C2orf80: variants seen among roughly 807,000 people sequenced by gnomAD.
C2orf80 encodes the protein uncharacterized protein C2orf80.
A neutral mutation model predicts 30.2 loss-of-function variants in C2orf80; 28 were observed. The observed-to-expected ratio is 0.93, with a 90% CI of 0.69 to 1.27. The LOEUF is 1.27. C2orf80 is among the 50% of genes most tolerant of loss of function. The pLI, the probability that C2orf80 is intolerant of heterozygous loss-of-function variation, is 0.00. For synonymous variants in C2orf80, 80 were observed against 76.4 expected, an observed-to-expected ratio of 1.05 and a Z score of -0.24; for missense variants, 220 against 231.0, an observed-to-expected ratio of 0.95 and a Z score of 0.31.
intron 8 of C2orf80, among the ~76,000 whole-genome samples, chr2:208,169,579 G>T (rs1296155879): frequency 6.6e-6 from 1 of 151,784 alleles, no homozygotes; most frequent in Non-Finnish European, 1.5e-5. Context: ...CGGGTGTGGT[G>T]GTGCATACCT....
intron 6 of C2orf80, among the ~76,000 whole-genome samples, chr2:208,180,355 G>A (rs569055335): frequency 2.6e-5 from 4 of 151,894 alleles, no homozygotes; most frequent in East Asian, 1.9e-4. Context: ...GGAGGCTGAC[G>A]CACGAGAATT....
chr2:208,165,802 A>G lies in C2orf80; in HGVS notation c.*5T>C, dbSNP rs769040969. The G allele has an allele frequency of 6.2e-7, 1 of 1,611,174 alleles. No individual in the cohort carries two copies. Among genetic ancestry groups the G allele is most frequent in the South Asian group, 1.1e-5 (1 of 90,430 alleles). On this transcript the variant is annotated 3_prime_UTR_variant, in exon 9 of 9. Transcript: ENST00000341287. Reference sequence around the variant, plus strand: ...TATGAAGTTCCATGGTACAATTCCAATTTTCTAAGTGACCTGCAGAATAAA... The same window carrying G: ...TATGAAGTTCCATGGTACAATTCCAGTTTTCTAAGTGACCTGCAGAATAAA...
intron 6 of C2orf80, among the ~76,000 whole-genome samples, chr2:208,176,960 C>G (rs997691431): frequency 5.3e-5 from 1 of 18,934 alleles, no homozygotes; most frequent in African/African-American, 1.3e-4. Context: ...TATCTGTATA[C>G]ATATGTATAC....
At chr2:208,165,937 T>G in intron 8 of C2orf80, 122 bp from the exon 9 acceptor site, 1 of 604,236 alleles carries the variant, frequency 1.7e-6, no homozygotes, top group South Asian at 2.5e-5. Context: ...CAAAGATAGA[T>G]TAGATTAATG....
At chr2:208,181,819 T>A (rs1348434513) in intron 4 of C2orf80, among the ~76,000 whole-genome samples, 1 of 151,904 alleles carries the variant, frequency 6.6e-6, no homozygotes, top group African/African-American at 2.4e-5. Context: ...AAAAAATATA[T>A]CCACCCTTCC....
intron 4 of C2orf80, among the ~76,000 whole-genome samples, chr2:208,182,288 G>A (rs1038688635): frequency 1.4e-4 from 21 of 152,338 alleles, no homozygotes; most frequent in African/African-American, 4.6e-4. Flanking sequence ...ATACATGTCT[G>A]CCTAAATGCT....
chr2:208,186,836 A>G (rs1057167452), intron 2 of C2orf80, 110 bp downstream of exon 2: 11 of 979,892 alleles, frequency 1.1e-5, no homozygotes, highest in Middle Eastern at 2.6e-4. Context: ...CCTACCATGC[A>G]GAAATAGATT....
intron 5 of C2orf80, 108 bp from the exon 6 acceptor site, chr2:208,180,924 T>C: frequency 1.1e-6 from 1 of 920,704 alleles, no homozygotes. Flanking sequence ...TGCTTGGGTA[T>C]CATAAGTATT....
In C2orf80 at chr2:208,165,544, A is replaced by G; in HGVS notation, c.*263T>C. ...AGCCAGCTTGCTCTAACACAGAAAT[A>G]CTATATACTTTCTGAATTCTCCAGC... On this transcript the variant is annotated 3_prime_UTR_variant, in exon 9 of 9. Coordinates refer to ENST00000341287, the MANE Select transcript of C2orf80 (RefSeq NM_001099334.3). The G allele has an allele frequency of 2.5e-6, 1 of 404,894 alleles. No individual in the cohort carries two copies. The highest frequency in any genetic ancestry group is 3.8e-5 in the South Asian group (1 of 26,510). The allele number at this position is 404,894 out of a possible 1,614,324, so 25.1% of individuals were successfully genotyped here.
At chr2:208,169,075 A>T (rs4589738) in intron 8 of C2orf80, among the ~76,000 whole-genome samples, 4 of 152,034 alleles carry the variant, frequency 2.6e-5, no homozygotes, top group African/African-American at 7.2e-5. Flanking sequence ...ATCAAGAATC[A>T]AAAAATCTTC....
intron 1 of C2orf80, 101 bp downstream of exon 1, chr2:208,189,852 A>C (rs763099116): frequency 8.9e-5 from 61 of 687,926 alleles, no homozygotes; most frequent in Non-Finnish European, 1.4e-4. Context: ...TGCACATTCC[A>C]TGCAGGTTCC....
chr2:208,183,203 A>ATTT (rs71036988), intron 3 of C2orf80, among the ~76,000 whole-genome samples, 156 bp from the exon 4 acceptor site: 20,482 of 145,480 alleles, frequency 0.14, 1,552 homozygotes, highest in South Asian at 0.22. Flanking sequence ...GCTCGGCCAG[A>ATTT]TTTTTTTTTT....
intron 8 of C2orf80, among the ~76,000 whole-genome samples, chr2:208,169,453 C>T (rs932616122): frequency 6.6e-6 from 1 of 151,992 alleles, no homozygotes; most frequent in South Asian, 2.1e-4. Context: ...TACCTTCGGC[C>T]GGGCACAGTG....
chr2:208,182,866 A>G (rs1392889100), intron 4 of C2orf80, 99 bp downstream of exon 4: 2 of 974,052 alleles, frequency 2.1e-6, no homozygotes, highest in African/African-American at 1.6e-5. Context: ...TTTTCAAATC[A>G]AAGTGCCTCA....
At chr2:208,171,291 G>A (rs1696090559) in intron 7 of C2orf80, among the ~76,000 whole-genome samples, 1 of 151,966 alleles carries the variant, frequency 6.6e-6, no homozygotes, top group African/African-American at 2.4e-5. Context: ...GACTAGAGGA[G>A]GGTGCCACCA....
At chr2:208,187,859 C>G (rs980052267) in intron 1 of C2orf80, among the ~76,000 whole-genome samples, 1 of 151,584 alleles carries the variant, frequency 6.6e-6, no homozygotes, top group Non-Finnish European at 1.5e-5. Context: ...CTGAGTGAGC[C>G]TTTTCCAATC....
chr2:208,186,945 C>T lies in C2orf80; in HGVS notation c.41+1G>A, dbSNP rs202036129. ...TGAAAGTTATTCTCAGTCATACTTA[C>T]AAGAGCTTTTTCATTTCCTTCTTTA... On this transcript the variant is annotated splice_donor_variant, in intron 2 of 8. Transcript: ENST00000341287. LOFTEE classifies it high-confidence loss of function. 5.3e-5 allele frequency: 85 copies of T among 1,613,362 alleles called. No individual in the cohort carries two copies. The highest frequency in any genetic ancestry group is 2.0e-5 in the Non-Finnish European group (23 of 1,179,374).
At chr2:208,185,374 G>C (rs1454283720) in intron 2 of C2orf80, among the ~76,000 whole-genome samples, 1 of 152,190 alleles carries the variant, frequency 6.6e-6, no homozygotes, top group Non-Finnish European at 1.5e-5. Context: ...ATAATCATTT[G>C]CTTCCCGTGT....
chr2:208,188,526 A>C (rs912165029), intron 1 of C2orf80, among the ~76,000 whole-genome samples: 9 of 151,802 alleles, frequency 5.9e-5, no homozygotes, highest in Non-Finnish European at 1.3e-4. Flanking sequence ...GTTCACTGCA[A>C]CCTCTGCCTC....
Sources: gnomAD v4.1 joint callset for allele counts (sites outside exome capture counted in the v4.1 genomes callset) on GRCh38, gnomAD v4.1.1 for gene constraint, MANE v1.5 for transcripts, NCBI Gene and HGNC (gene_info 2026-07-23, HGNC 2026-07-21) for gene names.